Variants in VAV2 observed in about 807,000 individuals in gnomAD.
The protein encoded by VAV2 is vav guanine nucleotide exchange factor 2, also known as guanine nucleotide exchange factor VAV2.
VAV2 carries 67 observed loss-of-function variants against 132.5 expected under a neutral mutation model. The ratio of observed to expected loss-of-function variants is 0.51; its 90% confidence interval spans 0.42 to 0.62. The LOEUF (loss-of-function observed/expected upper bound fraction) is 0.62, where lower values mean the gene tolerates loss of function less well. VAV2 is among the 20% of genes least tolerant of loss of function. The pLI is 0.00. For synonymous variants in VAV2, 492 were observed against 443.5 expected, an observed-to-expected ratio of 1.11 and a Z score of -1.37; for missense variants, 938 against 1,153.6, an observed-to-expected ratio of 0.81 and a Z score of 2.71.
Position 133,969,085 on chromosome 9 carries a change from C to T in VAV2, c.204+22990G>A, listed in dbSNP as rs1461662740. The stretch of plus-strand genomic sequence containing the variant: ...AGTTTGGCCGGGTGTCGGTGAAAGC[C>T]GTCTAGTTGCCTGAGATGAATCCCA... On this transcript the variant is annotated intron_variant, in intron 1 of 29. Transcript: ENST00000371850. This position sits in a 1 kb window ranked among gnomAD's most constrained non-coding sequence, Gnocchi z 5.1. Among the ~76,000 whole-genome samples, 4 of 152,022 alleles carry T rather than the reference C, an allele frequency of 2.6e-5. No homozygotes were observed. Among genetic ancestry groups the T allele is most frequent in the Non-Finnish European group, 4.4e-5 (3 of 68,012 alleles).
chr9:133,776,852 G>C (rs1833834283), intron 23 of VAV2, among the ~76,000 whole-genome samples: 1 of 152,314 alleles, frequency 6.6e-6, no homozygotes, highest in Non-Finnish European at 1.5e-5. Flanking sequence ...CTCACTCTGA[G>C]CTGTCCTTTC....
chr9:133,828,547 G>GC (rs1239495522), intron 4 of VAV2, among the ~76,000 whole-genome samples: 1 of 152,216 alleles, frequency 6.6e-6, no homozygotes, highest in East Asian at 1.9e-4. Flanking sequence ...CAGCAGTGCT[G>GC]CCCCCTGCAG....
At chr9:133,782,979 C>A (rs975227238) in intron 19 of VAV2, among the ~76,000 whole-genome samples, 1 of 152,224 alleles carries the variant, frequency 6.6e-6, no homozygotes, top group African/African-American at 2.4e-5. Context: ...ATCCTCTCCC[C>A]TCCCTGAGCC....
chr9:133,879,411 G>A lies in VAV2; in HGVS notation c.322-17979C>T, dbSNP rs561205783. ...CAAAGCAAGGGGCAGGAGATGTCCA[G>A]GAATCAGAGAAGGCCCTCTGGAGGG... On this transcript the variant is annotated intron_variant, in intron 2 of 29. Coordinates refer to ENST00000371850, the MANE Select transcript of VAV2 (RefSeq NM_001134398.2). The surrounding 1 kb of genome is among the most constrained non-coding windows in gnomAD (Gnocchi z 4.4). Among the ~76,000 whole-genome samples, 4 of 152,234 alleles carry A rather than the reference G, an allele frequency of 2.6e-5. No homozygotes were observed. Among genetic ancestry groups the A allele is most frequent in the Admixed American group, 2.0e-4 (3 of 15,302 alleles).
In VAV2 at chr9:133,778,342, C is replaced by T. The variant is rs532558816; in HGVS notation, c.1890+420G>A. Among the ~76,000 whole-genome samples the T allele has an allele frequency of 5.9e-5, 9 of 152,142 alleles. No homozygotes were observed. In the South Asian group the frequency reaches 6.2e-4, roughly 11 times the overall value. On this transcript the variant is annotated intron_variant, in intron 22 of 29. Transcript: ENST00000371850. ...CCTGCCCGCTCACCCCACGATCATG[C>T]GAAGGTTGCTGGCCTGAACTGAGGT...
At chr9:133,940,373 T>C (rs1356915057) in intron 1 of VAV2, among the ~76,000 whole-genome samples, 1 of 152,156 alleles carries the variant, frequency 6.6e-6, no homozygotes, top group African/African-American at 2.4e-5. Flanking sequence ...CCAAGAGCAG[T>C]TCAGAGAGCC....
intron 1 of VAV2, among the ~76,000 whole-genome samples, chr9:133,965,461 T>C (rs1382735627): frequency 6.8e-6 from 1 of 147,442 alleles, no homozygotes; most frequent in Non-Finnish European, 1.5e-5. Context: ...ATCATGCCAC[T>C]GCACTCCAGC....
intron 1 of VAV2, among the ~76,000 whole-genome samples, chr9:133,979,449 G>A (rs1191402070): frequency 6.6e-6 from 1 of 152,152 alleles, no homozygotes; most frequent in African/African-American, 2.4e-5. Context: ...TGGGTCCCCA[G>A]GCAGGGGCTG....
intron 4 of VAV2, among the ~76,000 whole-genome samples, chr9:133,818,338 C>G (rs1835649348): frequency 6.7e-6 from 1 of 149,602 alleles, no homozygotes; most frequent in Admixed American, 6.7e-5. Flanking sequence ...TGCACTCCAG[C>G]CTGGGTGACA....
intron 2 of VAV2, among the ~76,000 whole-genome samples, chr9:133,923,597 T>A (rs1840370617): frequency 6.6e-6 from 1 of 152,186 alleles, no homozygotes; most frequent in Non-Finnish European, 1.5e-5. Context: ...TCCTCAAGGA[T>A]CTAGAACTAG....
intron 1 of VAV2, among the ~76,000 whole-genome samples, chr9:133,988,779 G>C (rs1167864117): frequency 6.6e-6 from 1 of 152,090 alleles, no homozygotes; most frequent in African/African-American, 2.4e-5. Flanking sequence ...AAAAAGAGCT[G>C]GGTGTGGGTG....
In VAV2 at chr9:133,867,653, G is replaced by A. The variant is rs141944717; in HGVS notation, c.322-6221C>T. Among the ~76,000 whole-genome samples, 1,263 of 152,330 alleles carry A rather than the reference G, an allele frequency of 8.3e-3. 34 individuals carry two copies. Among genetic ancestry groups the A allele is most frequent in the Admixed American group, 0.053 (812 of 15,310 alleles). ...GTAGCAGCAGCCAATGGCTTTCAGT[G>A]CCCCGCAAGCCCTGTGCAGTGCTAG... On this transcript the variant is annotated intron_variant, in intron 2 of 29. Transcript: ENST00000371850.
intron 3 of VAV2, among the ~76,000 whole-genome samples, chr9:133,837,005 A>G (rs1457006267): frequency 6.6e-6 from 1 of 152,218 alleles, no homozygotes; most frequent in African/African-American, 2.4e-5. Flanking sequence ...AGCCCGGGGC[A>G]GCGAAGGAGA....
intron 17 of VAV2, 127 bp downstream of exon 17, chr9:133,785,649 C>A: frequency 1.3e-6 from 1 of 768,172 alleles, no homozygotes; most frequent in Non-Finnish European, 2.1e-6. Context: ...GTCTGTGTCC[C>A]TGACGTTCCA....
intron 1 of VAV2, among the ~76,000 whole-genome samples, chr9:133,954,605 T>C (rs145618177): frequency 5.7e-4 from 87 of 152,350 alleles, no homozygotes; most frequent in Non-Finnish European, 8.4e-4. Context: ...AGCACTTACA[T>C]GTGCCACACA....
chr9:133,770,382 G>A lies in VAV2; in HGVS notation c.2343C>T (p.Ser781=). The change falls in exon 27 of 30, where the codon TCC becomes TCT. Residue 781 remains serine (S), a synonymous_variant. Coordinates refer to ENST00000371850, the MANE Select transcript of VAV2 (RefSeq NM_001134398.2). The stretch of plus-strand genomic sequence containing the variant: ...CCGGCTGGGCCGGGGCGTTACCTGG[G>A]GACCGGCTGGAGGCCCTGGAGGCCG... The part of the protein sequence containing the change: ...ERSASRASSR[S]PASCASYNFS... 6.2e-7 allele frequency: 1 copy of A among 1,614,036 alleles called. No individual in the cohort carries two copies. Among genetic ancestry groups the A allele is most frequent in the East Asian group, 2.2e-5 (1 of 44,882 alleles).
chr9:133,913,231 G>A (rs564081755), intron 2 of VAV2, among the ~76,000 whole-genome samples: 1 of 152,184 alleles, frequency 6.6e-6, no homozygotes, highest in African/African-American at 2.4e-5. Flanking sequence ...CCCAAACAAC[G>A]GCTCATAGCT....
At chr9:133,866,883 A>G (rs972266325) in intron 2 of VAV2, among the ~76,000 whole-genome samples, 1 of 151,652 alleles carries the variant, frequency 6.6e-6, no homozygotes, top group African/African-American at 2.4e-5. Flanking sequence ...TGTTTAGCAC[A>G]TGTCACAGGG....
chr9:133,971,849 A>G (rs576205385), intron 1 of VAV2, among the ~76,000 whole-genome samples: 97 of 152,176 alleles, frequency 6.4e-4, no homozygotes, highest in Non-Finnish European at 1.1e-3. Context: ...CTCCTGGTCC[A>G]ACAGCATCCC....
Sources: gnomAD v4.1 joint callset for allele counts (sites outside exome capture counted in the v4.1 genomes callset) on GRCh38, gnomAD v4.1.1 for gene constraint, Gnocchi (gnomAD v3.1) non-coding constraint, MANE v1.5 for transcripts, NCBI Gene and HGNC (gene_info 2026-07-23, HGNC 2026-07-21) for gene names.